The following SCAPER variants were observed in gnomAD, a reference collection of about 807,000 sequenced individuals.
The protein encoded by SCAPER is S-phase cyclin A associated protein in the ER.
In SCAPER, 98 loss-of-function variants were observed where a neutral mutation model predicts 182.2. That is an observed-to-expected ratio of 0.54 (90% CI 0.46 to 0.64). SCAPER has a LOEUF of 0.64. Ranked by LOEUF, SCAPER falls within the 30% of genes least tolerant of loss-of-function variation. The pLI is 0.00. For synonymous variants in SCAPER, 605 were observed against 564.6 expected (o/e 1.07, Z -1.01); for missense variants, 1,432 against 1,690.0 (o/e 0.85, Z 2.68).
chr15:76,417,973 G>A (rs1426798839), intron 26 of SCAPER, among the ~76,000 whole-genome samples: 4 of 152,006 alleles, frequency 2.6e-5, no homozygotes, highest in East Asian at 1.9e-4. Context: ...AGCCGAGATC[G>A]CGCCTCTGCA....
At chr15:76,716,318 T>C (rs1022740257) in intron 17 of SCAPER, among the ~76,000 whole-genome samples, 2 of 152,086 alleles carry the variant, frequency 1.3e-5, no homozygotes, top group Admixed American at 1.3e-4. Flanking sequence ...GTGAAAGTCA[T>C]CCCCTTCCCA....
At chr15:76,786,232 C>A (rs1320106212) in intron 8 of SCAPER, among the ~76,000 whole-genome samples, 1 of 147,436 alleles carries the variant, frequency 6.8e-6, no homozygotes, top group African/African-American at 2.5e-5. Flanking sequence ...GAGGCTGAGG[C>A]AGGAGAATCA....
chr15:76,660,494 A>G (rs2056054837), intron 21 of SCAPER, among the ~76,000 whole-genome samples: 1 of 152,222 alleles, frequency 6.6e-6, no homozygotes, highest in African/African-American at 2.4e-5. Context: ...GGCAGTATTT[A>G]CAATAGCAAA....
intron 22 of SCAPER, among the ~76,000 whole-genome samples, chr15:76,608,083 G>A (rs976293367): frequency 6.6e-6 from 1 of 152,210 alleles, no homozygotes; most frequent in East Asian, 1.9e-4. Flanking sequence ...TTTGCAGGAG[G>A]AGAGGCGCTC....
chr15:76,493,018 G>A (rs284879), intron 24 of SCAPER, among the ~76,000 whole-genome samples: 147,786 of 152,130 alleles, frequency 0.97, 71,914 homozygotes, highest in South Asian at 1. Flanking sequence ...CTTGCGGCTC[G>A]TTCTTTCTGA....
intron 5 of SCAPER, among the ~76,000 whole-genome samples, chr15:76,818,655 C>T (rs1283934434): frequency 1.3e-5 from 2 of 152,302 alleles, no homozygotes; most frequent in African/African-American, 2.4e-5. Context: ...CAGCTCCCAG[C>T]GTGAGCGACG....
At chr15:76,852,388 C>T (rs1945585336) in intron 4 of SCAPER, among the ~76,000 whole-genome samples, 1 of 152,194 alleles carries the variant, frequency 6.6e-6, no homozygotes, top group African/African-American at 2.4e-5. Flanking sequence ...AATATACATT[C>T]TTCTCATTGC....
intron 17 of SCAPER, among the ~76,000 whole-genome samples, chr15:76,720,425 A>G (rs1055552308): frequency 1.3e-4 from 20 of 152,080 alleles, no homozygotes; most frequent in Admixed American, 4.6e-4. Flanking sequence ...ATGATTTATA[A>G]TCCTTTGGGT....
chr15:76,598,281 A>G lies in SCAPER; in HGVS notation c.2711+23483T>C, dbSNP rs1231481343. The stretch of plus-strand genomic sequence containing the variant: ...TCTCACGCCAGTTAGAATGGTGACC[A>G]TTAAAAAGTCAGGAAACAACGAATG... On this transcript the variant is annotated intron_variant, in intron 22 of 31. Coordinates refer to ENST00000563290, the MANE Select transcript of SCAPER (RefSeq NM_020843.4). 1.6e-5 allele frequency among the ~76,000 whole-genome samples: 2 copies of G among 121,940 alleles called. 1 individual carries two copies. Among genetic ancestry groups the G allele is most frequent in the Non-Finnish European group, 4.0e-5 (2 of 50,182 alleles). The allele number at this position is 121,940 out of a possible 152,430, so 80.0% of individuals were successfully genotyped here. A position where few individuals can be genotyped will look rare whatever the true frequency, so the allele number is the denominator to read the frequency against.
chr15:76,620,976 G>C (rs1360273524), intron 22 of SCAPER, among the ~76,000 whole-genome samples: 1 of 151,914 alleles, frequency 6.6e-6, no homozygotes, highest in African/African-American at 2.4e-5. Flanking sequence ...TAACAAACCT[G>C]CACATCCTGC....
chr15:76,863,327 C>T (rs753199607), intron 2 of SCAPER, among the ~76,000 whole-genome samples: 3 of 152,204 alleles, frequency 2.0e-5, no homozygotes, highest in Non-Finnish European at 2.9e-5. Context: ...ATCCTTAAAT[C>T]TGTGTGGGAA....
intron 15 of SCAPER, among the ~76,000 whole-genome samples, chr15:76,752,299 A>C (rs1049023787): frequency 1.6e-4 from 24 of 151,820 alleles, no homozygotes; most frequent in African/African-American, 5.8e-4. Context: ...AAAATGGTGA[A>C]CTACATGTAG....
At chr15:76,667,650 A>AAAAAAAC (rs2056701579) in intron 20 of SCAPER, among the ~76,000 whole-genome samples, 1 of 103,840 alleles carries the variant, frequency 9.6e-6, no homozygotes, top group African/African-American at 3.7e-5. Flanking sequence ...AAAAAAAAAA[A>AAAAAAAC]AAAAAAAAAA....
chr15:76,816,822 T>A (rs2067125483), intron 5 of SCAPER, among the ~76,000 whole-genome samples: 1 of 152,062 alleles, frequency 6.6e-6, no homozygotes, highest in Non-Finnish European at 1.5e-5. Context: ...CCAGCTAATT[T>A]TTTTTGTATT....
At chr15:76,620,243 A>C (rs1597741931) in intron 22 of SCAPER, among the ~76,000 whole-genome samples, 1 of 152,318 alleles carries the variant, frequency 6.6e-6, no homozygotes, top group South Asian at 2.1e-4. Flanking sequence ...TCTAGAGCTT[A>C]GTTTCCCTAA....
chr15:76,518,719 T>C (rs914106765), intron 23 of SCAPER, among the ~76,000 whole-genome samples: 1 of 152,218 alleles, frequency 6.6e-6, no homozygotes, highest in Admixed American at 6.5e-5. Flanking sequence ...AAGGTAAAGA[T>C]GAACCACCTT....
intron 2 of SCAPER, among the ~76,000 whole-genome samples, chr15:76,875,280 C>T (rs962656415): frequency 3.9e-5 from 6 of 152,134 alleles, no homozygotes; most frequent in Non-Finnish European, 8.8e-5. Flanking sequence ...ATACAGGAAA[C>T]ATAAATTATA....
chr15:76,753,902 C>T lies in SCAPER; in HGVS notation c.1772G>A (p.Arg591His), dbSNP rs1239228556. 9 of 1,613,078 alleles carry T rather than the reference C, an allele frequency of 5.6e-6. No homozygotes were observed. Among genetic ancestry groups the T allele is most frequent in the Non-Finnish European group, 6.8e-6 (8 of 1,179,324 alleles). The stretch of plus-strand genomic sequence containing the variant: ...AAGTAATTTTTCTTCCATCATCCTG[C>T]GTCGTTGATCTAGCAATTCTTCCTT... Reference protein sequence around the residue: ...KWKEELLDQRRRMMEEKLLHA... With the variant: ...KWKEELLDQRHRMMEEKLLHA... The change falls in exon 15 of 32, where the codon CGC becomes CAC. Residue 591 changes from arginine (R) to histidine (H), a missense_variant. Arg to His is a conservative substitution (Grantham distance 29, BLOSUM62 0). Around this residue, in one of 5 missense-constraint regions of SCAPER, gnomAD observed 88 missense variants for 184.2 expected, o/e 0.48. Transcript: ENST00000563290.
At chr15:76,382,236 G>A (rs2042990618) in intron 27 of SCAPER, among the ~76,000 whole-genome samples, 1 of 152,150 alleles carries the variant, frequency 6.6e-6, no homozygotes, top group Non-Finnish European at 1.5e-5. Context: ...ACCATGGCAG[G>A]TAATGTTACA....
Sources: gnomAD v4.1 joint callset for allele counts (sites outside exome capture counted in the v4.1 genomes callset) on GRCh38, gnomAD v4.1.1 for gene constraint, gnomAD v4.1.1 regional missense constraint, MANE v1.5 for transcripts, NCBI Gene and HGNC (gene_info 2026-07-23, HGNC 2026-07-21) for gene names.